MRPL13: variants seen among roughly 807,000 people sequenced by gnomAD.
The protein encoded by MRPL13 is mitochondrial ribosomal protein L13.
A neutral mutation model predicts 29.0 loss-of-function variants in MRPL13; 33 were observed. The ratio of observed to expected loss-of-function variants is 1.14; its 90% CI spans 0.86 to 1.52. MRPL13 has a LOEUF of 1.52. Ranked by LOEUF, MRPL13 falls within the 40% of genes most tolerant of loss-of-function variation. The pLI is 0.00. For missense variants in MRPL13, 227 were observed against 216.7 expected, an observed-to-expected ratio of 1.05 and a Z score of -0.30; for synonymous variants, 77 against 68.4, an observed-to-expected ratio of 1.13 and a Z score of -0.62.
chr8:120,410,851 G>A (rs906701973), intron 6 of MRPL13, among the ~76,000 whole-genome samples: 4 of 151,280 alleles, frequency 2.6e-5, no homozygotes, highest in Non-Finnish European at 4.4e-5. Context: ...GTGCGATCTC[G>A]GCAACCTCCG....
intron 3 of MRPL13, among the ~76,000 whole-genome samples, chr8:120,430,861 A>G (rs1290921394): frequency 6.6e-6 from 1 of 152,138 alleles, no homozygotes; most frequent in Non-Finnish European, 1.5e-5. Flanking sequence ...CAGTAATACT[A>G]CATATTATTG....
intron 5 of MRPL13, among the ~76,000 whole-genome samples, chr8:120,416,719 A>C (rs921918893): frequency 2.0e-5 from 3 of 152,192 alleles, no homozygotes; most frequent in Non-Finnish European, 4.4e-5. Context: ...TGTTAGCATG[A>C]CATGTTTGCT....
intron 6 of MRPL13, among the ~76,000 whole-genome samples, chr8:120,401,323 C>T (rs1812594582): frequency 6.6e-6 from 1 of 152,138 alleles, no homozygotes; most frequent in African/African-American, 2.4e-5. Flanking sequence ...TCAGGTTCAT[C>T]CCCAGGATGC....
chr8:120,427,282 G>C (rs1016668348), intron 3 of MRPL13, among the ~76,000 whole-genome samples: 3 of 152,094 alleles, frequency 2.0e-5, no homozygotes, highest in African/African-American at 7.2e-5. Flanking sequence ...ATAATACTGT[G>C]CCTGCACAGA....
chr8:120,429,025 A>T (rs967626656), intron 3 of MRPL13, among the ~76,000 whole-genome samples: 1 of 152,142 alleles, frequency 6.6e-6, no homozygotes, highest in African/African-American at 2.4e-5. Flanking sequence ...AAATTGTTCT[A>T]TTATGAAGAC....
At chr8:120,411,281 C>T (rs1011399363) in intron 6 of MRPL13, among the ~76,000 whole-genome samples, 9 of 151,926 alleles carry the variant, frequency 5.9e-5, no homozygotes, top group Non-Finnish European at 8.8e-5. Context: ...TTGCCCAGGC[C>T]GGTCTTGAAC....
At chr8:120,411,307 G>A (rs1018875414) in intron 6 of MRPL13, among the ~76,000 whole-genome samples, 1 of 152,026 alleles carries the variant, frequency 6.6e-6, no homozygotes, top group African/African-American at 2.4e-5. Flanking sequence ...AACTCAAGAG[G>A]TACTCCTGCC....
At chr8:120,430,145 C>T (rs1812981613) in intron 3 of MRPL13, among the ~76,000 whole-genome samples, 1 of 152,030 alleles carries the variant, frequency 6.6e-6, no homozygotes, top group Non-Finnish European at 1.5e-5. Context: ...ACCTGTAGTC[C>T]CAGCTACTCA....
intron 6 of MRPL13, among the ~76,000 whole-genome samples, chr8:120,411,515 T>TAAC (rs1408473135): frequency 5.9e-5 from 9 of 152,356 alleles, no homozygotes; most frequent in Admixed American, 1.3e-4. Flanking sequence ...CTAACTGGAC[T>TAAC]TGATGTCAGC....
Position 120,440,599 on chromosome 8 carries a change from T to C in MRPL13, c.151+2586A>G, listed in dbSNP as rs867720905. On this transcript the variant is annotated intron_variant, in intron 2 of 6. Transcript: ENST00000306185. ...TAGCCTGGGCAACAAAGTGAGACTCTCTCTCTCTCAAAAAAAAAAAAAAGG... is the reference window on the plus strand; with the variant it reads ...TAGCCTGGGCAACAAAGTGAGACTCCCTCTCTCTCAAAAAAAAAAAAAAGG... Among the ~76,000 whole-genome samples, 207 of 128,350 alleles carry C rather than the reference T, an allele frequency of 1.6e-3. 2 individuals carry two copies. Among genetic ancestry groups the C allele is most frequent in the African/African-American group, 6.0e-3 (192 of 32,264 alleles). 84.2% of individuals were successfully genotyped at this position (128,350 alleles called of 152,430 possible).
At chr8:120,410,679 C>T (rs1812729267) in intron 6 of MRPL13, among the ~76,000 whole-genome samples, 2 of 152,168 alleles carry the variant, frequency 1.3e-5, no homozygotes, top group African/African-American at 4.8e-5. Flanking sequence ...ACATTAGCCA[C>T]AGTGCAAGGG....
At chr8:120,411,046 TC>T (rs1812734646) in intron 6 of MRPL13, among the ~76,000 whole-genome samples, 1 of 151,154 alleles carries the variant, frequency 6.6e-6, no homozygotes, top group Admixed American at 6.6e-5. Context: ...CCTCTCCCTC[TC>T]CTCCCTCTCC....
At chr8:120,405,528 TC>T (rs1462785099) in intron 6 of MRPL13, among the ~76,000 whole-genome samples, 1 of 152,146 alleles carries the variant, frequency 6.6e-6, no homozygotes, top group Non-Finnish European at 1.5e-5. Flanking sequence ...TAGCATGGGT[TC>T]CCCTTAGACC....
chr8:120,417,483 CT>C (rs1812818036), intron 5 of MRPL13, among the ~76,000 whole-genome samples: 1 of 152,044 alleles, frequency 6.6e-6, no homozygotes, highest in African/African-American at 2.4e-5. Flanking sequence ...ATATGATATT[CT>C]TCTATAGAGG....
At chr8:120,434,222 T>G (rs1387130189) in intron 2 of MRPL13, among the ~76,000 whole-genome samples, 2 of 152,070 alleles carry the variant, frequency 1.3e-5, no homozygotes, top group Non-Finnish European at 1.5e-5. Flanking sequence ...CCTTCTCCCT[T>G]AAGCCAGAAT....
At chr8:120,410,990 C>A (rs987990645) in intron 6 of MRPL13, among the ~76,000 whole-genome samples, 1 of 151,906 alleles carries the variant, frequency 6.6e-6, no homozygotes, top group African/African-American at 2.4e-5. Context: ...GTTGGCCAGG[C>A]TGGTCTTGAA....
chr8:120,414,333 G>A lies in MRPL13; in HGVS notation c.394-221C>T, dbSNP rs922720400. 1.6e-4 allele frequency: 49 copies of A among 300,210 alleles called. 2 individuals carry two copies. The highest frequency in any genetic ancestry group is 1.8e-5 in the Non-Finnish European group (3 of 170,776). The allele number at this position is 300,210 out of a possible 1,614,324, so 18.6% of individuals were successfully genotyped here. A position where few individuals can be genotyped will look rare whatever the true frequency, so the allele number is the denominator to read the frequency against. On this transcript the variant is annotated intron_variant, in intron 5 of 6. Coordinates refer to ENST00000306185, the MANE Select transcript of MRPL13 (RefSeq NM_014078.6). ...TAATAAGATACCTATTTTTTAAAAT[G>A]TGCTGTTTATTTCCCTCTTTTCAAT...
At chr8:120,444,833 G>GC (rs930576302) in intron 1 of MRPL13, 42 of 233,744 alleles carry the variant, frequency 1.8e-4, no homozygotes, top group Middle Eastern at 1.3e-3. Context: ...TCTTCCCCCC[G>GC]CCCCCCCAAG....
chr8:120,432,048 A>G lies in MRPL13; in HGVS notation c.227T>C (p.Val76Ala), dbSNP rs1813002164. 1 of 1,606,580 alleles carries G rather than the reference A, an allele frequency of 6.2e-7. No individual in the cohort carries two copies. The highest frequency in any genetic ancestry group is 1.3e-5 in the African/African-American group (1 of 74,640). The change falls in exon 3 of 7, where the codon GTA becomes GCA. Residue 76 changes from valine to alanine, a missense_variant. Coordinates refer to ENST00000306185, the MANE Select transcript of MRPL13 (RefSeq NM_014078.6). ...AFSGNKWEQK[V>A]YSSHTGYPGG... ...ATCTTACCCAGTATGCGAAGAGTATACTTTTTGTTCCCATTTGTTTCCAGA... is the reference window on the plus strand; with the variant it reads ...ATCTTACCCAGTATGCGAAGAGTATGCTTTTTGTTCCCATTTGTTTCCAGA...
Sources: allele counts gnomAD v4.1 joint callset (sites outside exome capture counted in the v4.1 genomes callset), GRCh38; gene constraint gnomAD v4.1.1; transcripts MANE v1.5; gene names NCBI Gene and HGNC (gene_info 2026-07-23, HGNC 2026-07-21).